The following MICOS10 variants were observed in gnomAD, a reference collection of about 807,000 sequenced individuals.
The protein encoded by MICOS10 is MICOS complex subunit MIC10.
MICOS10 carries 5 observed loss-of-function variants against 13.4 expected under a neutral mutation model. That is an observed-to-expected ratio of 0.37 (90% confidence interval 0.20 to 0.78). MICOS10 has a LOEUF of 0.78. Among genes scored for constraint, MICOS10 ranks in the 30% least tolerant of loss-of-function variants. The pLI is 0.47. For synonymous variants in MICOS10, 35 were observed against 33.6 expected, an observed-to-expected ratio of 1.04 and a Z score of -0.15; for missense variants, 101 against 94.6, an observed-to-expected ratio of 1.07 and a Z score of -0.28.
chr1:19,616,732 G>A (rs976658872), intron 1 of MICOS10, among the ~76,000 whole-genome samples: 3 of 152,182 alleles, frequency 2.0e-5, no homozygotes, highest in African/African-American at 7.2e-5. Flanking sequence ...GTGTAGGAAA[G>A]AGCCATGACT....
intron 3 of MICOS10, among the ~76,000 whole-genome samples, chr1:19,624,941 T>G (rs948626502): frequency 3.3e-5 from 5 of 152,230 alleles, no homozygotes; most frequent in African/African-American, 1.2e-4. Context: ...ATTCCCTGCA[T>G]GCACAGAAGC....
chr1:19,615,263 C>G (rs76675704), intron 1 of MICOS10, among the ~76,000 whole-genome samples: 2 of 152,150 alleles, frequency 1.3e-5, no homozygotes, highest in African/African-American at 2.4e-5. Context: ...TTTGGACTTT[C>G]GATTTGTTCT....
Position 19,625,424 on chromosome 1 carries a change from G to A in MICOS10, c.223-963G>A, listed in dbSNP as rs1286455397. 56 of 1,289,384 alleles carry A rather than the reference G, an allele frequency of 4.3e-5. No homozygotes were observed. In the East Asian group the frequency reaches 3.1e-3, roughly 70 times the overall value. 79.9% of individuals were successfully genotyped at this position (1,289,384 alleles called of 1,614,324 possible). On this transcript the variant is annotated intron_variant, in intron 3 of 3. Transcript: ENST00000322753. ...TGAAACCGTCAGCTGCCTGCAGCCA[G>A]CCCATGTCTGCTGGAGAGATGGGAG...
chr1:19,597,489 G>A (rs866140932), intron 1 of MICOS10, among the ~76,000 whole-genome samples: 47 of 152,336 alleles, frequency 3.1e-4, no homozygotes, highest in African/African-American at 1.0e-3. Flanking sequence ...CGGCTCAGGA[G>A]GCCACGCTGC....
chr1:19,600,529 A>C (rs1434533522), intron 1 of MICOS10, among the ~76,000 whole-genome samples: 1 of 152,164 alleles, frequency 6.6e-6, no homozygotes, highest in Non-Finnish European at 1.5e-5. Flanking sequence ...GATAGGTAAG[A>C]GGTTTGGTGG....
intron 1 of MICOS10, among the ~76,000 whole-genome samples, chr1:19,612,756 G>C (rs2100290549): frequency 6.6e-6 from 1 of 152,230 alleles, no homozygotes. Flanking sequence ...TGGCCTTACT[G>C]TCCTTGCCAG....
At chr1:19,620,806 A>G (rs192510229) in intron 1 of MICOS10, among the ~76,000 whole-genome samples, 15 of 152,322 alleles carry the variant, frequency 9.8e-5, no homozygotes, top group Admixed American at 9.2e-4. Context: ...TTCTTGGTCT[A>G]CTGCTAGGAA....
At chr1:19,617,994 T>G (rs1189238600) in intron 1 of MICOS10, among the ~76,000 whole-genome samples, 1 of 151,932 alleles carries the variant, frequency 6.6e-6, no homozygotes, top group Non-Finnish European at 1.5e-5. Context: ...TGAAATACAG[T>G]CAACTGTGCA....
chr1:19,620,982 A>G (rs1047223522), intron 1 of MICOS10, among the ~76,000 whole-genome samples: 3 of 152,236 alleles, frequency 2.0e-5, no homozygotes, highest in Non-Finnish European at 4.4e-5. Flanking sequence ...ATTGTAAGCC[A>G]TTATGTTTTT....
At chr1:19,607,590 G>A (rs895615649) in intron 1 of MICOS10, among the ~76,000 whole-genome samples, 4 of 152,132 alleles carry the variant, frequency 2.6e-5, no homozygotes, top group Non-Finnish European at 4.4e-5. Flanking sequence ...TTAATTGAAT[G>A]CCTATTAATG....
chr1:19,620,763 T>G (rs2094900425), intron 1 of MICOS10, among the ~76,000 whole-genome samples: 10 of 152,242 alleles, frequency 6.6e-5, no homozygotes, highest in Admixed American at 6.5e-4. Context: ...TCTTTTTGAT[T>G]GAGTGGTACG....
In MICOS10 at chr1:19,604,192, G is replaced by A. The variant is rs529248027; in HGVS notation, c.64+7083G>A. Among the ~76,000 whole-genome samples, 12 of 152,262 alleles carry A rather than the reference G, an allele frequency of 7.9e-5. No individual in the cohort carries two copies. In the East Asian group the frequency reaches 9.7e-4, roughly 12 times the overall value. ...AGATAATCTCTAGAGCAGTTAGGACGTTGCCTGTACTTACTAAATATTATT... is the reference window on the plus strand; with the variant it reads ...AGATAATCTCTAGAGCAGTTAGGACATTGCCTGTACTTACTAAATATTATT... On this transcript the variant is annotated intron_variant, in intron 1 of 3. Coordinates refer to ENST00000322753, the MANE Select transcript of MICOS10 (RefSeq NM_001032363.4).
chr1:19,615,125 T>C (rs1570492811), intron 1 of MICOS10, among the ~76,000 whole-genome samples: 1 of 152,262 alleles, frequency 6.6e-6, no homozygotes, highest in Non-Finnish European at 1.5e-5. Flanking sequence ...GACAGTTTTC[T>C]GGGTAAAATG....
At chr1:19,612,483 G>A (rs1005579828) in intron 1 of MICOS10, among the ~76,000 whole-genome samples, 5 of 151,898 alleles carry the variant, frequency 3.3e-5, no homozygotes, top group African/African-American at 4.8e-5. Context: ...AGCACTTTGG[G>A]AGGCTGAGGC....
chr1:19,599,529 C>T (rs1329606844), intron 1 of MICOS10, among the ~76,000 whole-genome samples: 5 of 152,106 alleles, frequency 3.3e-5, no homozygotes, highest in Admixed American at 2.0e-4. Flanking sequence ...ATGAGTGATT[C>T]AGACTCTTTT....
intron 1 of MICOS10, among the ~76,000 whole-genome samples, chr1:19,614,946 C>T (rs796306103): frequency 2.0e-5 from 3 of 152,252 alleles, no homozygotes; most frequent in African/African-American, 7.2e-5. Flanking sequence ...GAGTGGAGTG[C>T]GTTCCCGTCT....
At chr1:19,597,418 C>T (rs1259787190) in intron 1 of MICOS10, among the ~76,000 whole-genome samples, 2 of 152,030 alleles carry the variant, frequency 1.3e-5, no homozygotes, top group Non-Finnish European at 2.9e-5. Context: ...GGCACACCCT[C>T]GTGCCGGAGC....
At chr1:19,625,866 A>G (rs1399838532) in intron 3 of MICOS10, among the ~76,000 whole-genome samples, 1 of 152,114 alleles carries the variant, frequency 6.6e-6, no homozygotes, top group African/African-American at 2.4e-5. Context: ...CAAAATCCCA[A>G]CCTGGGCTTA....
intron 3 of MICOS10, among the ~76,000 whole-genome samples, chr1:19,625,079 G>A (rs2094917377): frequency 6.6e-6 from 1 of 152,190 alleles, no homozygotes; most frequent in African/African-American, 2.4e-5. Flanking sequence ...GTGATCTTAA[G>A]TTGTTTCACT....
Sources: allele counts gnomAD v4.1 joint callset (sites outside exome capture counted in the v4.1 genomes callset), GRCh38; gene constraint gnomAD v4.1.1; transcripts MANE v1.5; gene names NCBI Gene and HGNC (gene_info 2026-07-23, HGNC 2026-07-21).